SAMD13: variants seen among roughly 807,000 people sequenced by gnomAD.
SAMD13 encodes sterile alpha motif domain-containing protein 13.
In SAMD13, 9 loss-of-function variants were observed where a neutral mutation model predicts 12.4. The observed-to-expected ratio is 0.72, with a 90% CI of 0.44 to 1.26. The LOEUF is 1.26. SAMD13 is among the 50% of genes most tolerant of loss of function. SAMD13 has a pLI of 0.00. For synonymous variants in SAMD13, 46 were observed against 45.4 expected (o/e 1.01, Z -0.05); for missense variants, 84 against 119.6 (o/e 0.70, Z 1.39).
chr1:84,314,333 C>T (rs72942052), intron 2 of SAMD13, among the ~76,000 whole-genome samples: 1,684 of 152,162 alleles, frequency 0.011, 24 homozygotes, highest in African/African-American at 0.028. Flanking sequence ...GCCTGGAAGC[C>T]TGGTCTGGCT....
At chr1:84,317,530 G>A (rs891079672) in intron 2 of SAMD13, among the ~76,000 whole-genome samples, 4 of 151,730 alleles carry the variant, frequency 2.6e-5, no homozygotes, top group South Asian at 2.1e-4. Context: ...ATGTTGAACC[G>A]TCCTAGGAAT....
At position 84,343,842 on chromosome 1, in the gene SAMD13, A is replaced by G. The variant is rs1679477436; in HGVS notation, c.166-5789A>G. 2.0e-5 allele frequency among the ~76,000 whole-genome samples: 3 copies of G among 152,182 alleles called. No individual in the cohort carries two copies. In the South Asian group the frequency reaches 6.2e-4, roughly 32 times the overall value. ...TGTAACAAACCTGCACATCCTGCAC[A>G]TGTACTTAAAATAAAATTTAAATTT... On this transcript the variant is annotated intron_variant, in intron 3 of 3. Transcript: ENST00000394834.
At chr1:84,332,842 C>T (rs1303371236) in intron 3 of SAMD13, among the ~76,000 whole-genome samples, 1 of 152,002 alleles carries the variant, frequency 6.6e-6, no homozygotes, top group Non-Finnish European at 1.5e-5. Flanking sequence ...GTTTATCTTC[C>T]AGGATTTTTA....
chr1:84,332,996 C>G (rs1381554295), intron 3 of SAMD13, among the ~76,000 whole-genome samples: 2 of 152,148 alleles, frequency 1.3e-5, no homozygotes, highest in Non-Finnish European at 2.9e-5. Flanking sequence ...GTCCTTTCCC[C>G]ATCACTTGTT....
At chr1:84,324,433 C>T (rs753144073) in intron 2 of SAMD13, among the ~76,000 whole-genome samples, 1 of 152,200 alleles carries the variant, frequency 6.6e-6, no homozygotes, top group Non-Finnish European at 1.5e-5. Context: ...AAGAAACTCC[C>T]ACGGGAAAGC....
At chr1:84,348,496 C>T (rs1383415172) in intron 3 of SAMD13, among the ~76,000 whole-genome samples, 2 of 151,322 alleles carry the variant, frequency 1.3e-5, no homozygotes, top group Non-Finnish European at 3.0e-5. Flanking sequence ...TGTCGTGACT[C>T]ACCGACCATG....
At chr1:84,299,654 AGT>A, upstream of SAMD13, 1 of 966,072 alleles carries the variant, frequency 1.0e-6, no homozygotes, top group Non-Finnish European at 1.4e-6. Flanking sequence ...TGTGAGTACT[AGT>A]GTATATATAT....
intron 3 of SAMD13, among the ~76,000 whole-genome samples, chr1:84,349,249 T>C (rs1360999623): frequency 1.3e-5 from 2 of 152,236 alleles, no homozygotes; most frequent in African/African-American, 4.8e-5. Context: ...AGAGTTGTTT[T>C]AGAAATTAAG....
chr1:84,336,939 C>G (rs917373293), intron 3 of SAMD13, among the ~76,000 whole-genome samples: 16 of 152,304 alleles, frequency 1.1e-4, no homozygotes, highest in African/African-American at 3.8e-4. Flanking sequence ...TACAGGCCCC[C>G]AAGCAAGTTC....
intron 3 of SAMD13, among the ~76,000 whole-genome samples, chr1:84,340,348 A>G (rs1426327231): frequency 6.6e-6 from 1 of 152,248 alleles, no homozygotes; most frequent in East Asian, 1.9e-4. Flanking sequence ...TTCCACTTAC[A>G]TGAAATATCT....
At chr1:84,304,194 A>C (rs1243893234) in intron 2 of SAMD13, 1 of 152,226 alleles carries the variant, frequency 6.6e-6, no homozygotes, top group Admixed American at 6.5e-5. Context: ...AAACTAACTT[A>C]ATAAAATCTG....
chr1:84,341,166 C>T (rs991028365), intron 3 of SAMD13, among the ~76,000 whole-genome samples: 1 of 152,158 alleles, frequency 6.6e-6, no homozygotes, highest in African/African-American at 2.4e-5. Context: ...GCAGGTTGGT[C>T]ATATCTAACC....
intron 3 of SAMD13, among the ~76,000 whole-genome samples, chr1:84,342,903 A>G (rs1679460139): frequency 6.6e-6 from 1 of 152,226 alleles, no homozygotes; most frequent in Admixed American, 6.5e-5. Context: ...AGAAACTATC[A>G]TCAGAGTGAA....
intron 3 of SAMD13, among the ~76,000 whole-genome samples, chr1:84,337,068 C>G (rs995924038): frequency 2.6e-5 from 4 of 152,158 alleles, no homozygotes; most frequent in African/African-American, 9.7e-5. Flanking sequence ...ACAGCTCTGC[C>G]CCTGTGGCTA....
At chr1:84,299,657 GTATA>G (rs143143145), upstream of SAMD13, 126 of 677,738 alleles carry the variant, frequency 1.9e-4, 3 homozygotes, top group African/African-American at 1.7e-3. Context: ...GAGTACTAGT[GTATA>G]TATATATATA....
At chr1:84,303,145 T>C in intron 1 of SAMD13, 58 bp from the exon 2 acceptor site, 1 of 1,285,292 alleles carries the variant, frequency 7.8e-7, no homozygotes, top group Admixed American at 1.7e-5. Flanking sequence ...ATTCAGAATA[T>C]ATATTCTTCT....
intron 2 of SAMD13, among the ~76,000 whole-genome samples, chr1:84,315,976 C>T (rs1392606577): frequency 6.6e-6 from 1 of 151,888 alleles, no homozygotes; most frequent in Admixed American, 6.6e-5. Context: ...TGATTTTGAA[C>T]CTCTTTTCAT....
At chr1:84,323,020 T>C (rs761878746) in intron 2 of SAMD13, among the ~76,000 whole-genome samples, 2 of 152,160 alleles carry the variant, frequency 1.3e-5, no homozygotes, top group Non-Finnish European at 2.9e-5. Flanking sequence ...CTATTCTTGG[T>C]GAGGAAAGGC....
chr1:84,330,852 T>C (rs1036045238), intron 3 of SAMD13, among the ~76,000 whole-genome samples: 4 of 152,338 alleles, frequency 2.6e-5, no homozygotes, highest in South Asian at 2.1e-4. Flanking sequence ...ATTCATGGTT[T>C]TATTTCTAGA....
Sources: allele counts gnomAD v4.1 joint callset (sites outside exome capture counted in the v4.1 genomes callset), GRCh38; gene constraint gnomAD v4.1.1; transcripts MANE v1.5; gene names NCBI Gene and HGNC (gene_info 2026-07-23, HGNC 2026-07-21).